The following PARG variants were observed in gnomAD, a reference collection of about 807,000 sequenced individuals.
PARG encodes the protein mitochondrial poly(ADP-ribose) glycohydrolase.
In PARG, 35 loss-of-function variants were observed where a neutral mutation model predicts 113.0. The observed-to-expected ratio is 0.31, with a 90% CI of 0.24 to 0.41. The LOEUF (loss-of-function observed/expected upper bound fraction) is 0.41. Among genes scored for constraint, PARG ranks in the 10% least tolerant of loss-of-function variants. PARG has a pLI of 1.00. For synonymous variants in PARG, 330 were observed against 409.9 expected, an observed-to-expected ratio of 0.81 and a Z score of 2.36; for missense variants, 797 against 1,169.4, an observed-to-expected ratio of 0.68 and a Z score of 4.64.
chr10:49,846,631 C>T (rs2132470736), intron 13 of PARG, among the ~76,000 whole-genome samples: 1 of 152,142 alleles, frequency 6.6e-6, no homozygotes, highest in East Asian at 1.9e-4. Context: ...TATTGGGAGC[C>T]ACATTCTTCA....
At chr10:49,819,826 T>A (rs1588851336) in intron 17 of PARG, among the ~76,000 whole-genome samples, 1 of 152,192 alleles carries the variant, frequency 6.6e-6, no homozygotes, top group African/African-American at 2.4e-5. Flanking sequence ...CGCTGGCAGG[T>A]CTGAGAAACA....
rs374031657 is a variant in PARG at position 49,830,000 on chromosome 10, T to C, written c.2647+2803A>G. ...ACTCATTCTAAATTTTTAATGAATA[T>C]TTATGCTAATGAAGGGGAGGGAAAT... On this transcript the variant is annotated intron_variant, in intron 16 of 17. Coordinates refer to ENST00000616448, the MANE Select transcript of PARG (RefSeq NM_003631.5). Among the ~76,000 whole-genome samples, 158 of 152,302 alleles carry C rather than the reference T, an allele frequency of 1.0e-3. 3 individuals carry two copies. In the South Asian group the frequency reaches 0.03, roughly 29 times the overall value.
intron 12 of PARG, among the ~76,000 whole-genome samples, chr10:49,860,958 C>T (rs1846218586): frequency 2.0e-5 from 3 of 151,604 alleles, no homozygotes; most frequent in Admixed American, 2.0e-4. Context: ...CTTTTGTTAA[C>T]CCCCTTCTCC....
chr10:49,938,873 T>G (rs1838880718), intron 1 of PARG, among the ~76,000 whole-genome samples: 3 of 152,190 alleles, frequency 2.0e-5, no homozygotes, highest in Non-Finnish European at 4.4e-5. Flanking sequence ...ACCAAGTTCC[T>G]AAAGGAATCC....
At chr10:49,885,579 C>T (rs551889703) in intron 7 of PARG, among the ~76,000 whole-genome samples, 1 of 152,264 alleles carries the variant, frequency 6.6e-6, no homozygotes, top group East Asian at 1.9e-4. Flanking sequence ...CCTCACACAA[C>T]ATTCACAATA....
At chr10:49,904,096 T>C (rs1848466568) in intron 7 of PARG, among the ~76,000 whole-genome samples, 1 of 151,082 alleles carries the variant, frequency 6.6e-6, no homozygotes, top group Non-Finnish European at 1.5e-5. Flanking sequence ...CATCATACTG[T>C]AAGATGAGGA....
Position 49,842,000 on chromosome 10 carries a change from G to A in PARG, c.2491C>T (p.Arg831Cys), listed in dbSNP as rs1249184889. The A allele has an allele frequency of 1.5e-5, 23 of 1,550,112 alleles. No individual in the cohort carries two copies. Among genetic ancestry groups the A allele is most frequent in the South Asian group, 3.6e-5 (3 of 84,070 alleles). ...TCAGGCACAAACTGATCGAGGTAGCGTCTGAAGTGAAGAGCATCGATGGCA... is the reference window on the plus strand; with the variant it reads ...TCAGGCACAAACTGATCGAGGTAGCATCTGAAGTGAAGAGCATCGATGGCA... ...IVAIDALHFR[R>C]YLDQFVPEKM... Residue 831 changes from arginine to cysteine, a missense_variant, in exon 15 of 18, where the codon CGC becomes TGC. Arg to Cys is a radical substitution (Grantham distance 180). Around this residue, in one of 5 missense-constraint regions of PARG, gnomAD observed 194 missense variants for 247.1 expected, o/e 0.79. Coordinates refer to ENST00000616448, the MANE Select transcript of PARG (RefSeq NM_003631.5).
chr10:49,921,758 T>C lies in PARG; in HGVS notation c.1662+578A>G, dbSNP rs185719263. ...GCCCCCAAATATAAATATATATATA[T>C]ACACACACACTCTCACTCATATTTT... On this transcript the variant is annotated intron_variant, in intron 6 of 17. Transcript: ENST00000616448. 3.9e-3 allele frequency among the ~76,000 whole-genome samples: 585 copies of C among 151,928 alleles called. 6 individuals carry two copies. The highest frequency in any genetic ancestry group is 0.014 in the African/African-American group (563 of 41,498).
chr10:49,827,199 C>T (rs1043432257), intron 16 of PARG, among the ~76,000 whole-genome samples: 1 of 152,170 alleles, frequency 6.6e-6, no homozygotes, highest in East Asian at 1.9e-4. Context: ...TACAGACAGA[C>T]AGTTACAGAA....
intron 7 of PARG, among the ~76,000 whole-genome samples, chr10:49,894,283 C>A (rs1554842221): frequency 6.6e-6 from 1 of 151,176 alleles, no homozygotes; most frequent in African/African-American, 2.4e-5. Flanking sequence ...CTCCAGCGAT[C>A]CCTCTGCCTT....
chr10:49,836,402 A>T (rs1207285670), intron 15 of PARG, among the ~76,000 whole-genome samples: 1 of 136,578 alleles, frequency 7.3e-6, no homozygotes, highest in Non-Finnish European at 1.5e-5. Context: ...GGTTCAAGCG[A>T]TTCTCCTGCC....
intron 13 of PARG, among the ~76,000 whole-genome samples, chr10:49,856,227 T>G (rs1845978941): frequency 6.6e-6 from 1 of 151,636 alleles, no homozygotes; most frequent in South Asian, 2.1e-4. Flanking sequence ...TCGCCCAGGC[T>G]GCAGTACAGT....
rs553451368 is a variant in PARG at position 49,879,827 on chromosome 10, T to C, written c.1834A>G (p.Ile612Val). 43 of 1,129,228 alleles carry C rather than the reference T, an allele frequency of 3.8e-5. No individual in the cohort carries two copies. The East Asian group carries it at 6.9e-4, about 18-fold the overall frequency. The allele number at this position is 1,129,228 out of a possible 1,614,324, so 70.0% of individuals were successfully genotyped here. A position where few individuals can be genotyped will look rare whatever the true frequency, so the allele number is the denominator to read the frequency against. ...TTCATCTTCTGTTTCAGGAGTGGTA[T>C]TGGCTGATAAAAGAAACAAAAAAAT... ...LCLPNICTQPIPLLKQKMNHS... is the reference protein window; with the variant it reads ...LCLPNICTQPVPLLKQKMNHS... The change falls in exon 9 of 18, where the codon ATA becomes GTA. Residue 612 changes from isoleucine to valine, a missense_variant. This residue lies in a region of PARG where 252 missense variants were observed against 437.4 expected (regional missense o/e 0.58). Transcript: ENST00000616448.
intron 13 of PARG, among the ~76,000 whole-genome samples, chr10:49,845,585 C>T (rs1845466666): frequency 3.9e-5 from 6 of 152,200 alleles, no homozygotes; most frequent in South Asian, 4.2e-4. Context: ...CCCAGATTAT[C>T]GCTTACTTAA....
intron 13 of PARG, among the ~76,000 whole-genome samples, chr10:49,854,984 C>CA (rs200113257): frequency 2.3e-3 from 324 of 142,026 alleles, no homozygotes; most frequent in Middle Eastern, 7.3e-3. Context: ...GGCCCATACT[C>CA]AAAAAAAAAA....
intron 16 of PARG, among the ~76,000 whole-genome samples, chr10:49,822,514 T>A (rs1844151907): frequency 6.6e-6 from 1 of 152,320 alleles, no homozygotes. Flanking sequence ...ACGGGCCAGC[T>A]CTTCCCCACA....
At chr10:49,935,814 A>T (rs1838713689) in intron 1 of PARG, among the ~76,000 whole-genome samples, 1 of 152,254 alleles carries the variant, frequency 6.6e-6, no homozygotes, top group African/African-American at 2.4e-5. Flanking sequence ...AGAAAGCAAA[A>T]GAAAATATGG....
intron 7 of PARG, among the ~76,000 whole-genome samples, chr10:49,905,193 T>A (rs1848524419): frequency 6.6e-6 from 1 of 152,308 alleles, no homozygotes; most frequent in Non-Finnish European, 1.5e-5. Flanking sequence ...ATTTACCTTT[T>A]AGATGTCCTC....
At chr10:49,899,202 C>A (rs1848239596) in intron 7 of PARG, among the ~76,000 whole-genome samples, 1 of 152,198 alleles carries the variant, frequency 6.6e-6, no homozygotes, top group Admixed American at 6.5e-5. Context: ...GCTTTCCATA[C>A]TGGAACTACC....
Sources: allele counts gnomAD v4.1 joint callset (sites outside exome capture counted in the v4.1 genomes callset), GRCh38; gene constraint gnomAD v4.1.1; regional missense constraint gnomAD v4.1.1; transcripts MANE v1.5; gene names NCBI Gene and HGNC (gene_info 2026-07-23, HGNC 2026-07-21).